The following TNR variants were observed in gnomAD, a reference collection of about 807,000 sequenced individuals.
TNR encodes the protein tenascin-R.
Under a neutral mutation model 150.4 loss-of-function variants are expected in TNR, and 45 were observed. The ratio of observed to expected loss-of-function variants is 0.30; its 90% confidence interval spans 0.24 to 0.38. TNR has a LOEUF of 0.38. Among genes scored for constraint, TNR ranks in the 10% least tolerant of loss-of-function variants. The pLI is 1.00. For synonymous variants in TNR, 687 were observed against 678.4 expected, an observed-to-expected ratio of 1.01 and a Z score of -0.20; for missense variants, 1,544 against 1,759.1, an observed-to-expected ratio of 0.88 and a Z score of 2.19.
chr1:175,379,444 G>A, intron 9 of TNR, 108 bp downstream of exon 9: 2 of 949,870 alleles, frequency 2.1e-6, no homozygotes, highest in South Asian at 3.3e-5. Flanking sequence ...TAAGAGATGA[G>A]ATCAATAGGA....
chr1:175,406,268 C>T lies in TNR; in HGVS notation c.447G>A (p.Ser149=), dbSNP rs192845603. 1.6e-4 allele frequency: 263 copies of T among 1,614,182 alleles called. 3 individuals carry two copies. In the East Asian group the frequency reaches 5.5e-3, roughly 34 times the overall value. Residue 149 remains serine (S), a synonymous_variant, in exon 3 of 23, where the codon TCG becomes TCA. Coordinates refer to ENST00000367674, the MANE Select transcript of TNR (RefSeq NM_003285.3). ...SRIEMLEREV[S]VLRDQCNANC... ...TGGCGTTGCACTGGTCTCGCAGCACCGACACCTCCCTCTCCAGCATCTCGA... is the reference window on the plus strand; with the variant it reads ...TGGCGTTGCACTGGTCTCGCAGCACTGACACCTCCCTCTCCAGCATCTCGA...
chr1:175,412,504 C>T (rs1654257225), intron 2 of TNR, among the ~76,000 whole-genome samples: 1 of 152,148 alleles, frequency 6.6e-6, no homozygotes, highest in Admixed American at 6.5e-5. Context: ...CCCAGTAAAC[C>T]TTGATCCTAG....
chr1:175,573,440 A>G (rs182078057), intron 1 of TNR, among the ~76,000 whole-genome samples: 364 of 152,202 alleles, frequency 2.4e-3, no homozygotes, highest in African/African-American at 8.4e-3. Flanking sequence ...CTGGAGGGAG[A>G]AGGCCTGGCT....
Position 175,391,168 on chromosome 1 carries a change from G to GT in TNR, c.1507+119dup, listed in dbSNP as rs375061603. On this transcript the variant is annotated intron_variant, in intron 7 of 22. Transcript: ENST00000367674. ...AGCTCCATTGCCAGGTACCAGAATTGTCCCAGCTCTAGGAGAAATTCTAGC... is the reference window on the plus strand; with the variant it reads ...AGCTCCATTGCCAGGTACCAGAATTGTTCCCAGCTCTAGGAGAAATTCTAGC... 2.3e-4 allele frequency: 295 copies of GT among 1,296,200 alleles called. 2 individuals carry two copies. The African/African-American group carries it at 3.8e-3, about 17-fold the overall frequency. 80.3% of individuals were successfully genotyped at this position (1,296,200 alleles called of 1,614,324 possible).
At chr1:175,382,644 G>C (rs1216046854) in intron 8 of TNR, among the ~76,000 whole-genome samples, 1 of 152,200 alleles carries the variant, frequency 6.6e-6, no homozygotes, top group Admixed American at 6.5e-5. Flanking sequence ...GCTCACTCCT[G>C]TAATCCCAGC....
chr1:175,362,690 C>T lies in TNR; in HGVS notation c.2827G>A (p.Glu943Lys), dbSNP rs577585544. Residue 943 changes from glutamate to lysine, a missense_variant, in exon 14 of 23, where the codon GAG becomes AAG. By Grantham distance (56) the Glu-to-Lys change is moderately conservative. Transcript: ENST00000367674. The stretch of plus-strand genomic sequence containing the variant: ...GTGTGCACAAGAGTACAGATGCGCT[C>T]GCTTTCCTCCCTGCCCCGCACGCTG... Reference protein sequence around the residue: ...LNSVRGREESERICTLVHTAM... With the variant: ...LNSVRGREESKRICTLVHTAM... The T allele has an allele frequency of 5.0e-6, 8 of 1,614,088 alleles. No homozygotes were observed. The African/African-American group carries it at 8.0e-5, about 16-fold the overall frequency.
intron 2 of TNR, among the ~76,000 whole-genome samples, chr1:175,513,850 A>G (rs147577868): frequency 1.3e-5 from 2 of 152,302 alleles, no homozygotes; most frequent in East Asian, 3.9e-4. Flanking sequence ...GCACATGCAC[A>G]TCTAATCCGC....
At chr1:175,338,589 C>A (rs190095435) in intron 18 of TNR, among the ~76,000 whole-genome samples, 1 of 152,148 alleles carries the variant, frequency 6.6e-6, no homozygotes, top group Non-Finnish European at 1.5e-5. Context: ...TGATGAAGAG[C>A]ATGCTGCGAT....
chr1:175,394,537 A>G (rs1007814967), intron 5 of TNR, among the ~76,000 whole-genome samples: 1 of 152,040 alleles, frequency 6.6e-6, no homozygotes, highest in Non-Finnish European at 1.5e-5. Context: ...TCCCCCAACC[A>G]CACAGTCACA....
intron 1 of TNR, among the ~76,000 whole-genome samples, chr1:175,618,429 C>T (rs1663850323): frequency 6.6e-6 from 1 of 152,068 alleles, no homozygotes; most frequent in Admixed American, 6.6e-5. Context: ...GTTATTTTTC[C>T]CCTCTCCCCT....
intron 1 of TNR, among the ~76,000 whole-genome samples, chr1:175,642,055 C>T (rs1478400157): frequency 6.6e-6 from 1 of 152,084 alleles, no homozygotes; most frequent in African/African-American, 2.4e-5. Context: ...AATCCTAATC[C>T]ACAACCATAT....
At chr1:175,644,252 T>A (rs1185010040) in intron 1 of TNR, among the ~76,000 whole-genome samples, 1 of 152,336 alleles carries the variant, frequency 6.6e-6, no homozygotes, top group Admixed American at 6.5e-5. Context: ...CCCTTGGCAA[T>A]GCAGGCTGTT....
At chr1:175,711,520 G>A (rs1179402152) in intron 1 of TNR, among the ~76,000 whole-genome samples, 20 of 152,194 alleles carry the variant, frequency 1.3e-4, no homozygotes, top group Admixed American at 1.3e-3. Context: ...GAAGATTCGG[G>A]GCAGGGGAGT....
intron 2 of TNR, among the ~76,000 whole-genome samples, chr1:175,431,911 A>C (rs542922563): frequency 3.8e-4 from 52 of 136,468 alleles, no homozygotes; most frequent in Middle Eastern, 3.7e-3. Flanking sequence ...GGACCATAAT[A>C]TCTCTCTCTC....
At chr1:175,331,005 C>CTTTCT (rs1557867120) in intron 20 of TNR, among the ~76,000 whole-genome samples, 2 of 38,960 alleles carry the variant, frequency 5.1e-5, no homozygotes, top group African/African-American at 2.0e-4. Flanking sequence ...GTGATTCTTT[C>CTTTCT]TTTCTTTCTT....
intron 1 of TNR, among the ~76,000 whole-genome samples, chr1:175,650,811 G>C (rs1320129552): frequency 6.3e-3 from 5 of 788 alleles, no homozygotes; most frequent in African/African-American, 0.012. Flanking sequence ...ATTACTACCT[G>C]TCCCCCACCT....
intron 7 of TNR, among the ~76,000 whole-genome samples, chr1:175,387,210 G>A (rs1652979975): frequency 1.3e-5 from 2 of 152,232 alleles, no homozygotes; most frequent in African/African-American, 4.8e-5. Flanking sequence ...ACAGCCAAGT[G>A]AGGAGAATAG....
At chr1:175,567,856 A>G (rs1661703735) in intron 1 of TNR, among the ~76,000 whole-genome samples, 1 of 152,110 alleles carries the variant, frequency 6.6e-6, no homozygotes, top group Admixed American at 6.5e-5. Context: ...AGCTTCTGCC[A>G]GTCTCACAAT....
At chr1:175,504,033 G>A (rs1415831485) in intron 2 of TNR, among the ~76,000 whole-genome samples, 3 of 152,214 alleles carry the variant, frequency 2.0e-5, no homozygotes, top group South Asian at 4.1e-4. Flanking sequence ...GCACCGCGGG[G>A]TGTACGAAGA....
Sources: gnomAD v4.1 joint callset for allele counts (sites outside exome capture counted in the v4.1 genomes callset) on GRCh38, gnomAD v4.1.1 for gene constraint, MANE v1.5 for transcripts, NCBI Gene and HGNC (gene_info 2026-07-23, HGNC 2026-07-21) for gene names.